The following RPS6KC1 variants were observed in gnomAD, a reference collection of about 807,000 sequenced individuals.
RPS6KC1 encodes ribosomal protein S6 kinase C1.
In RPS6KC1, 54 loss-of-function variants were observed where a neutral mutation model predicts 103.8. That is an observed-to-expected ratio of 0.52 (90% CI 0.42 to 0.65). RPS6KC1 has a LOEUF of 0.65. RPS6KC1 is among the 30% of genes least tolerant of loss of function. The pLI is 0.00. For synonymous variants in RPS6KC1, 439 were observed against 438.7 expected, an observed-to-expected ratio of 1.00 and a Z score of -0.01; for missense variants, 1,151 against 1,253.8, an observed-to-expected ratio of 0.92 and a Z score of 1.24.
intron 4 of RPS6KC1, among the ~76,000 whole-genome samples, chr1:213,111,695 CTTAG>C (rs1437138137): frequency 2.0e-5 from 3 of 152,150 alleles, no homozygotes; most frequent in East Asian, 1.9e-4. Context: ...AAAATAATGT[CTTAG>C]TTAGAAGACA....
At chr1:213,587,893 C>A in the RPS6KC1 span, among the ~76,000 whole-genome samples, 1 of 152,158 alleles carries the variant, frequency 6.6e-6, no homozygotes, top group Non-Finnish European at 1.5e-5. Flanking sequence ...GTGTCTTTGT[C>A]CAATCCTGTT....
chr1:213,322,788 G>A, the RPS6KC1 span, among the ~76,000 whole-genome samples: 1 of 150,980 alleles, frequency 6.6e-6, no homozygotes, highest in East Asian at 1.9e-4. Flanking sequence ...TTACATTCTT[G>A]TTGCCCAGGC....
intron 6 of RPS6KC1, among the ~76,000 whole-genome samples, chr1:213,152,591 C>T (rs1287037987): frequency 6.7e-6 from 1 of 150,320 alleles, no homozygotes; most frequent in Non-Finnish European, 1.5e-5. Flanking sequence ...GTGCTCCTCA[C>T]ATCCCAGACG....
At chr1:213,760,353 GGACACAAT>G in the RPS6KC1 span, among the ~76,000 whole-genome samples, 1 of 152,088 alleles carries the variant, frequency 6.6e-6, no homozygotes, top group Admixed American at 6.5e-5. Context: ...GTAATGGTTG[GGACACAAT>G]TAGGGAACAT....
chr1:213,859,108 A>ACT, the RPS6KC1 span, among the ~76,000 whole-genome samples: 1 of 152,160 alleles, frequency 6.6e-6, no homozygotes, highest in Non-Finnish European at 1.5e-5. Context: ...CACTCTTGGA[A>ACT]ATATTTTTGA....
At chr1:213,625,184 T>C in the RPS6KC1 span, among the ~76,000 whole-genome samples, 2 of 151,940 alleles carry the variant, frequency 1.3e-5, no homozygotes, top group African/African-American at 4.8e-5. Context: ...ACACAAGTAA[T>C]ATAGTAATAA....
the RPS6KC1 span, among the ~76,000 whole-genome samples, chr1:213,827,155 G>A: frequency 1.4e-3 from 212 of 152,004 alleles, 1 homozygote; most frequent in Admixed American, 3.1e-3. Context: ...GCAGAGAGCC[G>A]GGCATAGTTT....
At chr1:213,447,737 T>C in the RPS6KC1 span, among the ~76,000 whole-genome samples, 2 of 152,230 alleles carry the variant, frequency 1.3e-5, no homozygotes, top group South Asian at 2.1e-4. Context: ...CCCAGACTTA[T>C]GCCTTCTTGT....
chr1:213,327,744 T>G, the RPS6KC1 span, among the ~76,000 whole-genome samples: 2 of 152,182 alleles, frequency 1.3e-5, no homozygotes, highest in African/African-American at 2.4e-5. Context: ...GAGAGGTAAC[T>G]TTTCTAATAC....
At chr1:213,831,662 CAAT>C in the RPS6KC1 span, among the ~76,000 whole-genome samples, 13 of 151,980 alleles carry the variant, frequency 8.6e-5, no homozygotes, top group South Asian at 2.5e-3. Flanking sequence ...ATTATAATTC[CAAT>C]AATAATTAAT....
chr1:213,673,725 A>G, the RPS6KC1 span, among the ~76,000 whole-genome samples: 2 of 152,222 alleles, frequency 1.3e-5, no homozygotes, highest in African/African-American at 4.8e-5. Flanking sequence ...TCTTAAGCCT[A>G]TAGCTCCATT....
the RPS6KC1 span, among the ~76,000 whole-genome samples, chr1:213,286,054 A>T: frequency 6.6e-6 from 1 of 152,250 alleles, no homozygotes; most frequent in Admixed American, 6.5e-5. Context: ...TTGGAATGTC[A>T]TAATTCTGCC....
chr1:213,282,092 A>G, the RPS6KC1 span, among the ~76,000 whole-genome samples: 4 of 152,268 alleles, frequency 2.6e-5, no homozygotes, highest in African/African-American at 7.2e-5. Flanking sequence ...CATCTGGCTT[A>G]TTGGCAAGCA....
chr1:213,678,072 A>T, the RPS6KC1 span, among the ~76,000 whole-genome samples: 1 of 151,976 alleles, frequency 6.6e-6, no homozygotes, highest in Non-Finnish European at 1.5e-5. Flanking sequence ...ATTCCCTCTG[A>T]AGGAGTTTCT....
At chr1:213,466,782 G>T in the RPS6KC1 span, among the ~76,000 whole-genome samples, 1 of 152,090 alleles carries the variant, frequency 6.6e-6, no homozygotes, top group South Asian at 2.1e-4. Context: ...GTTGAGATAA[G>T]AATATATGCA....
At chr1:213,120,651 A>T (rs1198060400) in intron 5 of RPS6KC1, among the ~76,000 whole-genome samples, 1 of 152,090 alleles carries the variant, frequency 6.6e-6, no homozygotes, top group Non-Finnish European at 1.5e-5. Context: ...GAAGTGATTC[A>T]CCCCATGAAA....
At chr1:213,253,775 T>C (rs748739592) in intron 12 of RPS6KC1, among the ~76,000 whole-genome samples, 1 of 152,218 alleles carries the variant, frequency 6.6e-6, no homozygotes, top group African/African-American at 2.4e-5. Context: ...GTGTGTACTG[T>C]TCTTCTTTCC....
chr1:213,208,247 G>A (rs1156429756), intron 8 of RPS6KC1, among the ~76,000 whole-genome samples: 1 of 152,134 alleles, frequency 6.6e-6, no homozygotes, highest in Non-Finnish European at 1.5e-5. Flanking sequence ...TTCTGCTCAA[G>A]TTTGCATTGG....
At chr1:213,775,355 C>T in the RPS6KC1 span, among the ~76,000 whole-genome samples, 1 of 151,974 alleles carries the variant, frequency 6.6e-6, no homozygotes, top group Non-Finnish European at 1.5e-5. Flanking sequence ...ATTTTCTTCC[C>T]TAAATTTTTT....
Sources: allele counts gnomAD v4.1 joint callset (sites outside exome capture counted in the v4.1 genomes callset), GRCh38; gene constraint gnomAD v4.1.1; transcripts MANE v1.5; gene names NCBI Gene and HGNC (gene_info 2026-07-23, HGNC 2026-07-21).